Variants in CDH2 observed in about 807,000 individuals in gnomAD.
CDH2 encodes the protein cadherin-2.
In CDH2, 17 loss-of-function variants were observed where a neutral mutation model predicts 92.0. The ratio of observed to expected loss-of-function variants is 0.18; its 90% CI spans 0.13 to 0.28. The LOEUF is 0.28. Ranked by LOEUF, CDH2 falls within the 10% of genes least tolerant of loss-of-function variation. CDH2 has a pLI of 1.00. For synonymous variants in CDH2, 419 were observed against 415.9 expected (o/e 1.01, Z -0.09); for missense variants, 862 against 1,133.1 (o/e 0.76, Z 3.44).
At chr18:28,048,064 G>A (rs2014117090) in intron 2 of CDH2, among the ~76,000 whole-genome samples, 1 of 148,930 alleles carries the variant, frequency 6.7e-6, no homozygotes, top group African/African-American at 2.5e-5. Flanking sequence ...CTTATTAGCA[G>A]GGATCTGCTG....
chr18:28,156,575 G>GC (rs2016218571), intron 1 of CDH2, among the ~76,000 whole-genome samples: 1 of 145,692 alleles, frequency 6.9e-6, no homozygotes, highest in Non-Finnish European at 1.5e-5. Context: ...CCCAGGTACA[G>GC]AATGTCACCT....
At chr18:28,148,879 G>A (rs1336869896) in intron 1 of CDH2, among the ~76,000 whole-genome samples, 1 of 152,144 alleles carries the variant, frequency 6.6e-6, no homozygotes, top group Non-Finnish European at 1.5e-5. Context: ...CAAAAATCTA[G>A]ACCAATCTAA....
chr18:28,101,178 A>C (rs1361430010), intron 2 of CDH2, among the ~76,000 whole-genome samples: 2 of 152,148 alleles, frequency 1.3e-5, no homozygotes, highest in African/African-American at 4.8e-5. Context: ...TTAATGGCTT[A>C]AATAACTTTC....
chr18:28,019,071 C>T (rs1018134163), intron 2 of CDH2, among the ~76,000 whole-genome samples: 2 of 152,004 alleles, frequency 1.3e-5, no homozygotes, highest in East Asian at 3.9e-4. Flanking sequence ...CCTATGTTCT[C>T]GCTCATAAGT....
intron 1 of CDH2, among the ~76,000 whole-genome samples, chr18:28,176,710 G>A (rs1029113712): frequency 7.9e-5 from 12 of 152,008 alleles, no homozygotes; most frequent in Non-Finnish European, 1.6e-4. Context: ...GGAGCAGAGG[G>A]GACCCGCAAT....
chr18:28,022,340 TATG>T (rs1019994323), intron 2 of CDH2, among the ~76,000 whole-genome samples: 1 of 152,070 alleles, frequency 6.6e-6, no homozygotes, highest in Non-Finnish European at 1.5e-5. Context: ...AGCATATAAT[TATG>T]ATAAGAAAAC....
At chr18:28,154,963 T>C (rs1049140536) in intron 1 of CDH2, among the ~76,000 whole-genome samples, 1 of 152,318 alleles carries the variant, frequency 6.6e-6, no homozygotes, top group African/African-American at 2.4e-5. Context: ...ATGTAATCCA[T>C]TGGATGTCAG....
chr18:28,052,946 A>T (rs1336157786), intron 2 of CDH2, among the ~76,000 whole-genome samples: 1 of 152,184 alleles, frequency 6.6e-6, no homozygotes, highest in African/African-American at 2.4e-5. Flanking sequence ...AATTAAGGTA[A>T]AATGAGGTCG....
At chr18:27,945,239 A>G (rs527791339) in intron 6 of CDH2, among the ~76,000 whole-genome samples, 1 of 152,056 alleles carries the variant, frequency 6.6e-6, no homozygotes, top group African/African-American at 2.4e-5. Context: ...TGCTGCATGA[A>G]AAAAAAGAGA....
intron 2 of CDH2, among the ~76,000 whole-genome samples, chr18:28,090,491 T>G (rs2015017182): frequency 6.6e-6 from 1 of 152,138 alleles, no homozygotes; most frequent in Non-Finnish European, 1.5e-5. Flanking sequence ...GCGAGAACAC[T>G]GAGGACTACA....
intron 2 of CDH2, among the ~76,000 whole-genome samples, chr18:28,112,458 G>A (rs1362916150): frequency 6.6e-6 from 1 of 152,214 alleles, no homozygotes; most frequent in Non-Finnish European, 1.5e-5. Flanking sequence ...TTCCTTTGAA[G>A]GAGGCACCGA....
chr18:28,007,600 T>C (rs1218445097), intron 5 of CDH2, among the ~76,000 whole-genome samples: 1 of 152,242 alleles, frequency 6.6e-6, no homozygotes, highest in Admixed American at 6.5e-5. Context: ...GCTTATTTAA[T>C]ATCTTACATT....
At chr18:27,965,028 T>C (rs17522061) in intron 14 of CDH2, among the ~76,000 whole-genome samples, 2,060 of 152,330 alleles carry the variant, frequency 0.014, 44 homozygotes, top group African/African-American at 0.046. Context: ...TACCAGACTC[T>C]TGATAAGTGT....
chr18:27,946,838 C>CT (rs1909278330), downstream of CDH2, among the ~76,000 whole-genome samples: 1 of 151,856 alleles, frequency 6.6e-6, no homozygotes, highest in South Asian at 2.1e-4. Context: ...ATTAGAAAAT[C>CT]TAATGGCATT....
chr18:28,009,630 T>C, intron 5 of CDH2, 87 bp downstream of exon 5: 1 of 1,178,618 alleles, frequency 8.5e-7, no homozygotes, highest in Admixed American at 2.2e-5. Flanking sequence ...GTATTGAGGC[T>C]TTCAGACTGA....
intron 2 of CDH2, among the ~76,000 whole-genome samples, chr18:28,054,643 A>T (rs369775295): frequency 1.3e-5 from 2 of 152,308 alleles, no homozygotes; most frequent in South Asian, 4.1e-4. Context: ...CAGCCACTTG[A>T]TGAATGTATT....
intron 14 of CDH2, among the ~76,000 whole-genome samples, chr18:27,979,487 C>T (rs1448648950): frequency 6.6e-6 from 1 of 152,184 alleles, no homozygotes; most frequent in African/African-American, 2.4e-5. Context: ...CTCCTGTGCA[C>T]ACACCAGAAA....
chr18:28,168,074 AT>A (rs1324094395), intron 1 of CDH2, among the ~76,000 whole-genome samples: 1 of 152,014 alleles, frequency 6.6e-6, no homozygotes, highest in Non-Finnish European at 1.5e-5. Context: ...GAGCGGGGGG[AT>A]TACATCCCCT....
chr18:28,177,008 C>T lies in CDH2; in HGVS notation c.15G>A (p.Ala5=). Residue 5 remains alanine (A), a synonymous_variant, in exon 1 of 16, where the codon GCG becomes GCA. Coordinates refer to ENST00000269141, the MANE Select transcript of CDH2 (RefSeq NM_001792.5). ...GCGGCAGCAGGGTCCGCAGCGCTCC[C>T]GCTATCCGGCACATGGAGGCGGAGA... MCRI[A]GALRTLLPLL... is the part of the protein sequence containing the mutation. 1 of 1,485,036 alleles carries T rather than the reference C, an allele frequency of 6.7e-7. No individual in the cohort carries two copies. The highest frequency in any genetic ancestry group is 2.1e-5 in the Admixed American group (1 of 46,970). 92.0% of individuals were successfully genotyped at this position (1,485,036 alleles called of 1,614,324 possible).
Sources: allele counts gnomAD v4.1 joint callset (sites outside exome capture counted in the v4.1 genomes callset), GRCh38; gene constraint gnomAD v4.1.1; transcripts MANE v1.5; gene names NCBI Gene and HGNC (gene_info 2026-07-23, HGNC 2026-07-21).